CEP350: variants seen among roughly 807,000 people sequenced by gnomAD.
CEP350 encodes the protein centrosomal protein 350, also known as centrosome-associated protein 350.
In CEP350, 126 loss-of-function variants were observed where a neutral mutation model predicts 331.8. The observed-to-expected ratio is 0.38, with a 90% CI of 0.33 to 0.44. The LOEUF (loss-of-function observed/expected upper bound fraction) is 0.44. Ranked by LOEUF, CEP350 falls within the 20% of genes least tolerant of loss-of-function variation. The pLI is 1.00. For synonymous variants in CEP350, 1,200 were observed against 1,259.5 expected (o/e 0.95, Z 1.00); for missense variants, 3,406 against 3,634.6 (o/e 0.94, Z 1.62).
chr1:180,008,233 C>G (rs1411903801), intron 8 of CEP350, among the ~76,000 whole-genome samples: 1 of 152,172 alleles, frequency 6.6e-6, no homozygotes, highest in Non-Finnish European at 1.5e-5. Context: ...AGATAATTCT[C>G]TAGTTCCATA....
At chr1:179,955,219 C>T (rs1650077373) in intron 1 of CEP350, 77 bp downstream of exon 1, 2 of 1,177,736 alleles carry the variant, frequency 1.7e-6, no homozygotes, top group Admixed American at 4.4e-5. Context: ...GTCCCGGGTC[C>T]CCGGTGGCGG....
At chr1:180,086,325 CTAA>C (rs1256518087) in intron 31 of CEP350, among the ~76,000 whole-genome samples, 1 of 152,084 alleles carries the variant, frequency 6.6e-6, no homozygotes, top group Non-Finnish European at 1.5e-5. Context: ...TATACGTCAA[CTAA>C]TGAGGAGTCA....
chr1:180,062,724 CTCTT>C (rs1658302391), intron 26 of CEP350, among the ~76,000 whole-genome samples: 1 of 152,180 alleles, frequency 6.6e-6, no homozygotes, highest in Non-Finnish European at 1.5e-5. Flanking sequence ...GCTCAATCCC[CTCTT>C]TCTTCTCTTA....
intron 7 of CEP350, among the ~76,000 whole-genome samples, chr1:180,004,001 C>T (rs925232735): frequency 3.9e-5 from 6 of 152,106 alleles, no homozygotes; most frequent in African/African-American, 1.4e-4. Flanking sequence ...AGTGTCCGAT[C>T]CAGTTTTCTT....
chr1:180,104,191 A>G (rs972200530), intron 37 of CEP350, among the ~76,000 whole-genome samples: 1 of 150,986 alleles, frequency 6.6e-6, no homozygotes, highest in African/African-American at 2.4e-5. Flanking sequence ...GATTCTTGAC[A>G]GCTGTAGTTT....
At chr1:180,025,260 T>C (rs1655595471) in intron 14 of CEP350, among the ~76,000 whole-genome samples, 3 of 152,146 alleles carry the variant, frequency 2.0e-5, no homozygotes, top group African/African-American at 7.2e-5. Context: ...TAAAAAAACT[T>C]TATAGTATAT....
intron 1 of CEP350, among the ~76,000 whole-genome samples, chr1:179,957,370 C>G (rs1402835106): frequency 1.3e-5 from 2 of 149,644 alleles, no homozygotes; most frequent in Non-Finnish European, 3.0e-5. Context: ...GTAAAAAAAT[C>G]ATCAGATTGC....
chr1:180,065,099 C>T lies in CEP350; in HGVS notation c.5410-16C>T. 2 of 1,574,026 alleles carry T rather than the reference C, an allele frequency of 1.3e-6. No homozygotes were observed. The highest frequency in any genetic ancestry group is 1.4e-5 in the African/African-American group (1 of 72,760). On this transcript the variant is annotated splice_polypyrimidine_tract_variant and intron_variant, in intron 26 of 37. Transcript: ENST00000367607. ...CTATTAAAGTCCAATACAATTTTGC[C>T]TCTTTTTGTTTGCAGGACTCTCATA...
At chr1:180,087,019 A>AG (rs2149107143) in intron 31 of CEP350, 1 of 152,392 alleles carries the variant, frequency 6.6e-6, no homozygotes, top group East Asian at 1.9e-4. Context: ...TATTAAATGG[A>AG]GGAATCCCCT....
chr1:179,970,826 C>T (rs541520881), intron 1 of CEP350, among the ~76,000 whole-genome samples: 76 of 152,296 alleles, frequency 5.0e-4, no homozygotes, highest in Middle Eastern at 6.8e-3. Context: ...ATACACACCA[C>T]AGGTATAGAT....
rs562348755 is a variant in CEP350 at position 180,009,564 on chromosome 1, G to A, written c.1247-2365G>A. Among the ~76,000 whole-genome samples, 120 of 152,138 alleles carry A rather than the reference G, an allele frequency of 7.9e-4. 1 individual carries two copies. The highest frequency in any genetic ancestry group is 2.7e-3 in the African/African-American group (110 of 41,504). On this transcript the variant is annotated intron_variant, in intron 8 of 37. Transcript: ENST00000367607. ...ATTCCTTTTTTTTTAACCAATGACC[G>A]TGTGTAACTGTTCCAGAAAGTTAGA...
At position 180,092,725 on chromosome 1, in the gene CEP350, C is replaced by T. The variant is rs1660271851; in HGVS notation, c.6620C>T (p.Pro2207Leu). ...SRTEDFQTPS[P>L]VLRSSRKIRE... is the part of the protein sequence containing the mutation. ...ACAGAAGATTTTCAGACCCCATCTC[C>T]AGTTCTCAGATCATCAAGGAAAATC... is the stretch of plus-strand genomic sequence containing the variant. The change falls in exon 34 of 38, where the codon CCA becomes CTA. Residue 2207 changes from proline to leucine, a missense_variant. Physicochemically the swap from Pro to Leu is moderately conservative, Grantham distance 98. Around this residue, in one of 5 missense-constraint regions of CEP350, gnomAD observed 1,415 missense variants for 1,512.3 expected, o/e 0.94. Transcript: ENST00000367607. 6.2e-7 allele frequency: 1 copy of T among 1,609,882 alleles called. No homozygotes were observed. Among genetic ancestry groups the T allele is most frequent in the Non-Finnish European group, 8.5e-7 (1 of 1,177,620 alleles).
At chr1:180,081,590 C>T (rs567505284) in intron 30 of CEP350, among the ~76,000 whole-genome samples, 2 of 152,164 alleles carry the variant, frequency 1.3e-5, no homozygotes, top group Admixed American at 6.5e-5. Context: ...ATATGAACTG[C>T]GTAGAATGAA....
At chr1:180,069,983 A>C (rs968192529) in intron 27 of CEP350, among the ~76,000 whole-genome samples, 1 of 152,180 alleles carries the variant, frequency 6.6e-6, no homozygotes, top group Non-Finnish European at 1.5e-5. Context: ...AGCAGCAATA[A>C]TTTTCTTCAA....
chr1:179,976,722 A>G (rs1263326561), intron 1 of CEP350, among the ~76,000 whole-genome samples: 1 of 152,224 alleles, frequency 6.6e-6, no homozygotes, highest in South Asian at 2.1e-4. Flanking sequence ...AATTTCAAAT[A>G]TATTTTTCAT....
intron 10 of CEP350, 33 bp downstream of exon 10, chr1:180,014,538 T>C (rs1278997144): frequency 1.3e-6 from 2 of 1,531,354 alleles, no homozygotes; most frequent in Non-Finnish European, 1.8e-6. Flanking sequence ...AGGAGAGTCA[T>C]TCATGGTTAG....
At chr1:180,101,746 G>A (rs548704449) in intron 37 of CEP350, among the ~76,000 whole-genome samples, 1 of 152,290 alleles carries the variant, frequency 6.6e-6, no homozygotes, top group South Asian at 2.1e-4. Flanking sequence ...TCAAGTTGGG[G>A]CTCCCAAGAT....
At chr1:180,108,966 A>G (rs561538400) in intron 37 of CEP350, among the ~76,000 whole-genome samples, 121 of 152,272 alleles carry the variant, frequency 7.9e-4, no homozygotes, top group African/African-American at 2.8e-3. Flanking sequence ...ACCCTGTTAC[A>G]TATTTGTCAA....
chr1:180,016,371 G>T (rs16855110), intron 11 of CEP350, among the ~76,000 whole-genome samples: 2 of 152,166 alleles, frequency 1.3e-5, no homozygotes, highest in South Asian at 2.1e-4. Flanking sequence ...GTACTTTCGA[G>T]AGCTACCTTT....
Sources: gnomAD v4.1 joint callset for allele counts (sites outside exome capture counted in the v4.1 genomes callset) on GRCh38, gnomAD v4.1.1 for gene constraint, gnomAD v4.1.1 regional missense constraint, MANE v1.5 for transcripts, NCBI Gene and HGNC (gene_info 2026-07-23, HGNC 2026-07-21) for gene names.